OTUD7A: variants seen among roughly 807,000 people sequenced by gnomAD.
The protein encoded by OTUD7A is OTU deubiquitinase 7A.
Under a neutral mutation model 65.7 loss-of-function variants are expected in OTUD7A, and 12 were observed. The observed-to-expected ratio is 0.18, with a 90% CI of 0.12 to 0.30. The LOEUF (loss-of-function observed/expected upper bound fraction) is 0.30. Among genes scored for constraint, OTUD7A ranks in the 10% least tolerant of loss-of-function variants. The pLI is 1.00. For missense variants in OTUD7A, 1,148 were observed against 1,304.8 expected (o/e 0.88, Z 1.85); for synonymous variants, 641 against 586.3 (o/e 1.09, Z -1.35).
At chr15:31,787,012 C>A (rs143983135) in intron 1 of OTUD7A, among the ~76,000 whole-genome samples, 1 of 152,148 alleles carries the variant, frequency 6.6e-6, no homozygotes, top group Non-Finnish European at 1.5e-5. Context: ...TTAGTGGAGA[C>A]ACTGAAAGGG....
At chr15:31,747,153 A>T (rs1894502797) in intron 1 of OTUD7A, among the ~76,000 whole-genome samples, 1 of 152,188 alleles carries the variant, frequency 6.6e-6, no homozygotes, top group South Asian at 2.1e-4. Flanking sequence ...GATTATTGAA[A>T]GCAAAGTGTC....
chr15:31,638,378 C>CTTTTT (rs34239466), intron 3 of OTUD7A, among the ~76,000 whole-genome samples: 3 of 134,572 alleles, frequency 2.2e-5, no homozygotes, highest in Non-Finnish European at 1.6e-5. Context: ...ATAAAGATAA[C>CTTTTT]TTTTTTTTTT....
At chr15:31,836,062 C>G (rs1897048336) in intron 1 of OTUD7A, among the ~76,000 whole-genome samples, 1 of 152,010 alleles carries the variant, frequency 6.6e-6, no homozygotes. Flanking sequence ...GGTGCTCAAC[C>G]TGTATATACA....
At chr15:31,808,131 AC>A (rs1370763179) in intron 1 of OTUD7A, among the ~76,000 whole-genome samples, 49 of 115,594 alleles carry the variant, frequency 4.2e-4, no homozygotes, top group East Asian at 9.6e-4. Context: ...ACACACACAC[AC>A]ACACAAACAA....
intron 3 of OTUD7A, among the ~76,000 whole-genome samples, chr15:31,638,378 CT>C (rs34239466): frequency 0.2 from 26,632 of 133,838 alleles, 2,184 homozygotes; most frequent in Middle Eastern, 0.31. Context: ...ATAAAGATAA[CT>C]TTTTTTTTTT....
chr15:31,488,945 A>G (rs2041279082), intron 10 of OTUD7A, among the ~76,000 whole-genome samples: 1 of 152,142 alleles, frequency 6.6e-6, no homozygotes. Context: ...CTGATTTGAG[A>G]GGTCAGGGGT....
At chr15:31,602,985 A>G (rs1330618147) in intron 3 of OTUD7A, among the ~76,000 whole-genome samples, 1 of 152,232 alleles carries the variant, frequency 6.6e-6, no homozygotes, top group Admixed American at 6.5e-5. Context: ...CATGGATAGG[A>G]AGAAACAATA....
intron 3 of OTUD7A, among the ~76,000 whole-genome samples, chr15:31,593,350 T>C (rs975459930): frequency 1.3e-5 from 2 of 151,710 alleles, no homozygotes; most frequent in South Asian, 2.1e-4. Flanking sequence ...CACTCAGAAG[T>C]GGGGTCTCGG....
intron 1 of OTUD7A, among the ~76,000 whole-genome samples, chr15:31,670,727 C>T (rs1892459778): frequency 1.3e-5 from 2 of 151,978 alleles, no homozygotes; most frequent in Admixed American, 6.6e-5. Context: ...CGCGGTGGCT[C>T]ACGCCTGTAA....
At chr15:31,552,187 G>A (rs1888346717) in intron 5 of OTUD7A, among the ~76,000 whole-genome samples, 1 of 152,172 alleles carries the variant, frequency 6.6e-6, no homozygotes, top group Non-Finnish European at 1.5e-5. Context: ...AGGACTGGAA[G>A]CTTCCTGAAG....
intron 1 of OTUD7A, among the ~76,000 whole-genome samples, chr15:31,860,872 ATTTT>A (rs5811669): frequency 1.1e-5 from 1 of 87,042 alleles, no homozygotes; most frequent in Non-Finnish European, 2.3e-5. Context: ...TGCCCAGCTA[ATTTT>A]TTTTTTTTTT....
chr15:31,848,685 G>A (rs549884686), intron 1 of OTUD7A, among the ~76,000 whole-genome samples: 29 of 152,260 alleles, frequency 1.9e-4, no homozygotes, highest in Non-Finnish European at 2.6e-4. Context: ...TAATCTCGTT[G>A]ATAGCAAACA....
Position 31,595,026 on chromosome 15 carries a change from C to G in OTUD7A, c.152-24829G>C, listed in dbSNP as rs573112392. ...GCTGTTTTAATACTCAGGCACCAAA[C>G]AGTTCCCTAATAAGATGACTTCAGG... On this transcript the variant is annotated intron_variant, in intron 3 of 12. Transcript: ENST00000307050. Among the ~76,000 whole-genome samples the G allele has an allele frequency of 5.3e-5, 8 of 152,332 alleles. No individual in the cohort carries two copies. The East Asian group carries it at 1.3e-3, about 26-fold the overall frequency.
At chr15:31,653,780 TAAAGA>T (rs1891910875) in intron 3 of OTUD7A, among the ~76,000 whole-genome samples, 1 of 152,050 alleles carries the variant, frequency 6.6e-6, no homozygotes, top group African/African-American at 2.4e-5. Context: ...GTAAAAAAAA[TAAAGA>T]AAAGAGATGA....
At chr15:31,657,228 G>A (rs1892018265) in intron 1 of OTUD7A, among the ~76,000 whole-genome samples, 151 bp from the exon 2 acceptor site, 1 of 152,188 alleles carries the variant, frequency 6.6e-6, no homozygotes, top group African/African-American at 2.4e-5. Flanking sequence ...ACAGGTCCCC[G>A]CTTACCAGCT....
chr15:31,548,312 G>T (rs1310789845), intron 5 of OTUD7A, among the ~76,000 whole-genome samples: 1 of 150,838 alleles, frequency 6.6e-6, no homozygotes, highest in Non-Finnish European at 1.5e-5. Flanking sequence ...CTCGGCTGCT[G>T]GCTTTCTACT....
At chr15:31,648,359 G>C (rs560351118) in intron 3 of OTUD7A, among the ~76,000 whole-genome samples, 1 of 152,320 alleles carries the variant, frequency 6.6e-6, no homozygotes, top group South Asian at 2.1e-4. Context: ...TTCCCACAGA[G>C]ACTAAAGATA....
intron 3 of OTUD7A, among the ~76,000 whole-genome samples, chr15:31,575,107 T>C (rs1029705756): frequency 6.6e-6 from 1 of 152,094 alleles, no homozygotes; most frequent in African/African-American, 2.4e-5. Context: ...TCAAACTGTT[T>C]TAGAAATGAA....
intron 3 of OTUD7A, among the ~76,000 whole-genome samples, chr15:31,583,185 G>T (rs959991141): frequency 5.9e-5 from 9 of 152,226 alleles, no homozygotes; most frequent in Non-Finnish European, 1.0e-4. Flanking sequence ...CTGCAGGAGA[G>T]AAGCTTGCAG....
Sources: allele counts gnomAD v4.1 joint callset (sites outside exome capture counted in the v4.1 genomes callset), GRCh38; gene constraint gnomAD v4.1.1; transcripts MANE v1.5; gene names NCBI Gene and HGNC (gene_info 2026-07-23, HGNC 2026-07-21).